Variants in INTS7 observed in about 807,000 individuals in gnomAD.
INTS7 encodes the protein integrator complex subunit 7.
A neutral mutation model predicts 109.2 loss-of-function variants in INTS7; 46 were observed. The ratio of observed to expected loss-of-function variants is 0.42; its 90% CI spans 0.33 to 0.54. INTS7 has a LOEUF of 0.54. Ranked by LOEUF, INTS7 falls within the 20% of genes least tolerant of loss-of-function variation. INTS7 has a pLI of 0.07. For missense variants in INTS7, 929 were observed against 1,132.4 expected, an observed-to-expected ratio of 0.82 and a Z score of 2.58; for synonymous variants, 412 against 402.9, an observed-to-expected ratio of 1.02 and a Z score of -0.27.
intron 7 of INTS7, among the ~76,000 whole-genome samples, chr1:211,994,054 A>C (rs1665261750): frequency 6.6e-6 from 1 of 152,222 alleles, no homozygotes; most frequent in African/African-American, 2.4e-5. Flanking sequence ...ACAACCAGCA[A>C]TGATAAGACT....
In INTS7 at chr1:211,941,681, A is replaced by T. The variant is rs1384952980; in HGVS notation, c.*143T>A. On this transcript the variant is annotated 3_prime_UTR_variant, in exon 20 of 20. Coordinates refer to ENST00000366994, the MANE Select transcript of INTS7 (RefSeq NM_015434.4). ...CAGACAAAATTTTTAAGAAAACAAA[A>T]TTTTTTCCAGAATATTACATTACAA... is the stretch of plus-strand genomic sequence containing the variant. 9.1e-6 allele frequency: 12 copies of T among 1,323,004 alleles called. No homozygotes were observed. The highest frequency in any genetic ancestry group is 2.5e-5 in the East Asian group (1 of 40,580). The allele number at this position is 1,323,004 out of a possible 1,614,324, so 82.0% of individuals were successfully genotyped here.
At chr1:211,978,578 G>A (rs913969372) in intron 10 of INTS7, 67 bp from the exon 11 acceptor site, 2 of 1,572,984 alleles carry the variant, frequency 1.3e-6, no homozygotes, top group East Asian at 4.5e-5. Context: ...AAGGAAAAGA[G>A]CTTTGTACAG....
At chr1:211,943,431 G>GT (rs1385202055) in intron 19 of INTS7, among the ~76,000 whole-genome samples, 1 of 152,102 alleles carries the variant, frequency 6.6e-6, no homozygotes, top group African/African-American at 2.4e-5. Flanking sequence ...TGAAGAGAGA[G>GT]TTGCAGACAG....
At chr1:212,015,126 G>C (rs929080275) in intron 4 of INTS7, among the ~76,000 whole-genome samples, 1 of 151,946 alleles carries the variant, frequency 6.6e-6, no homozygotes, top group African/African-American at 2.4e-5. Context: ...CCGTCCGGGA[G>C]GGAGGTGGGG....
intron 17 of INTS7, among the ~76,000 whole-genome samples, chr1:211,948,072 A>T (rs1662920251): frequency 6.6e-6 from 1 of 152,330 alleles, no homozygotes; most frequent in South Asian, 2.1e-4. Context: ...CACAGGTTGA[A>T]AACTGCTGCA....
At chr1:212,013,131 C>T (rs1279428113) in intron 4 of INTS7, among the ~76,000 whole-genome samples, 1 of 152,150 alleles carries the variant, frequency 6.6e-6, no homozygotes, top group African/African-American at 2.4e-5. Flanking sequence ...CTGAAAAATT[C>T]ATATTGGCCA....
intron 7 of INTS7, among the ~76,000 whole-genome samples, chr1:211,996,231 G>A (rs1571887048): frequency 6.6e-6 from 1 of 152,250 alleles, no homozygotes; most frequent in Admixed American, 6.5e-5. Flanking sequence ...AGACCAGCCT[G>A]GTGAACCCGG....
At chr1:211,985,832 G>A (rs780477948) in intron 8 of INTS7, among the ~76,000 whole-genome samples, 1 of 152,172 alleles carries the variant, frequency 6.6e-6, no homozygotes, top group Non-Finnish European at 1.5e-5. Context: ...ATATGATTAA[G>A]ACTTTGTCTA....
intron 14 of INTS7, 132 bp from the exon 15 acceptor site, chr1:211,968,113 A>G (rs1266440307): frequency 1.9e-6 from 1 of 537,784 alleles, no homozygotes; most frequent in East Asian, 3.2e-5. Flanking sequence ...TTTCACTGTC[A>G]TTCCATTCAT....
At chr1:212,033,952 G>A (rs948456542) in intron 1 of INTS7, among the ~76,000 whole-genome samples, 1 of 151,994 alleles carries the variant, frequency 6.6e-6, no homozygotes, top group Non-Finnish European at 1.5e-5. Flanking sequence ...GCGTGGTGGC[G>A]GGCGCCTGTA....
chr1:212,023,384 T>C (rs1666790541), intron 1 of INTS7, among the ~76,000 whole-genome samples: 1 of 152,214 alleles, frequency 6.6e-6, no homozygotes, highest in Admixed American at 6.5e-5. Context: ...ATATAAGCAT[T>C]CCCTTTTCTT....
chr1:211,997,910 A>G (rs1188145615), intron 7 of INTS7, among the ~76,000 whole-genome samples: 1 of 151,994 alleles, frequency 6.6e-6, no homozygotes, highest in Admixed American at 6.6e-5. Flanking sequence ...TACTATTAAG[A>G]TGTCAATTCG....
chr1:212,020,058 C>T (rs1190176908), intron 3 of INTS7, 64 bp downstream of exon 3: 14 of 1,135,880 alleles, frequency 1.2e-5, no homozygotes, highest in South Asian at 2.3e-5. Context: ...AAATACACTG[C>T]CTTTTTTGTA....
chr1:211,978,531 T>C lies in INTS7; in HGVS notation c.1231-20A>G. On this transcript the variant is annotated intron_variant, in intron 10 of 19. Coordinates refer to ENST00000366994, the MANE Select transcript of INTS7 (RefSeq NM_015434.4). ...AGCAATCTGCACGCCAAAAAGAAAA[T>C]GAACTAGTTACATTTTGAAGATACA... is the stretch of plus-strand genomic sequence containing the variant. The C allele has an allele frequency of 6.2e-7, 1 of 1,613,348 alleles. No homozygotes were observed. Among genetic ancestry groups the C allele is most frequent in the Non-Finnish European group, 8.5e-7 (1 of 1,179,460 alleles).
chr1:211,969,154 G>A (rs1259194468), intron 13 of INTS7, among the ~76,000 whole-genome samples: 1 of 151,800 alleles, frequency 6.6e-6, no homozygotes. Context: ...GCGTTGTGGC[G>A]GGTGCCTGTA....
At chr1:211,988,151 A>AGT in intron 7 of INTS7, 148 bp from the exon 8 acceptor site, 1 of 499,764 alleles carries the variant, frequency 2.0e-6, no homozygotes, top group Non-Finnish European at 3.5e-6. Flanking sequence ...GGCCAGGTGC[A>AGT]GTGGCTCATT....
chr1:212,011,237 A>G (rs1394841152), intron 5 of INTS7, 138 bp downstream of exon 5: 5 of 587,636 alleles, frequency 8.5e-6, no homozygotes, highest in Non-Finnish European at 1.5e-5. Flanking sequence ...CATTTAGAAC[A>G]GTTTGGGCAA....
intron 1 of INTS7, among the ~76,000 whole-genome samples, chr1:212,033,320 T>C (rs569632281): frequency 1.3e-5 from 2 of 152,342 alleles, no homozygotes; most frequent in Admixed American, 6.5e-5. Context: ...AAACTGGCTA[T>C]TTCTATAACT....
chr1:211,943,244 A>T (rs1422147203), intron 19 of INTS7, among the ~76,000 whole-genome samples: 1 of 151,926 alleles, frequency 6.6e-6, no homozygotes, highest in Non-Finnish European at 1.5e-5. Context: ...ACTGCAAAGT[A>T]ATCATGTTAT....
Sources: gnomAD v4.1 joint callset for allele counts (sites outside exome capture counted in the v4.1 genomes callset) on GRCh38, gnomAD v4.1.1 for gene constraint, MANE v1.5 for transcripts, NCBI Gene and HGNC (gene_info 2026-07-23, HGNC 2026-07-21) for gene names.